The following ISM1 variants were observed in gnomAD, a reference collection of about 807,000 sequenced individuals.
The protein encoded by ISM1 is isthmin 1, also known as isthmin-1.
Under a neutral mutation model 46.3 loss-of-function variants are expected in ISM1, and 25 were observed. The observed-to-expected ratio is 0.54, with a 90% CI of 0.39 to 0.75. The LOEUF is 0.75. Among genes scored for constraint, ISM1 ranks in the 30% least tolerant of loss-of-function variants. The pLI, the probability that ISM1 is intolerant of heterozygous loss-of-function variation, is 0.00. For missense variants in ISM1, 536 were observed against 625.4 expected (o/e 0.86, Z 1.52); for synonymous variants, 255 against 256.7 (o/e 0.99, Z 0.06).
intron 1 of ISM1, among the ~76,000 whole-genome samples, chr20:13,252,335 A>C (rs1195766488): frequency 6.6e-6 from 1 of 152,208 alleles, no homozygotes; most frequent in African/African-American, 2.4e-5. Context: ...ACCTTCATAC[A>C]TGAATCATTG....
At chr20:13,238,120 A>T (rs188421661) in intron 1 of ISM1, 11 of 82,048 alleles carry the variant, frequency 1.3e-4, no homozygotes, top group Non-Finnish European at 2.2e-4. Flanking sequence ...CTTAAAATTT[A>T]AAAAAAAGAA....
At chr20:13,325,982 C>T in the ISM1 span, among the ~76,000 whole-genome samples, 2 of 152,278 alleles carry the variant, frequency 1.3e-5, no homozygotes, top group East Asian at 3.9e-4. Flanking sequence ...ATCTTCCACC[C>T]AACCCTCCCA....
At chr20:13,276,578 A>G (rs577328265) in intron 2 of ISM1, among the ~76,000 whole-genome samples, 2 of 152,306 alleles carry the variant, frequency 1.3e-5, no homozygotes, top group South Asian at 4.2e-4. Context: ...CTTGAGTGTG[A>G]AAAAGTCCAG....
chr20:13,273,215 T>TTTTTATTTTATTTTATTTTA (rs60448833), intron 2 of ISM1, among the ~76,000 whole-genome samples: 5,102 of 130,654 alleles, frequency 0.039, 390 homozygotes, highest in African/African-American at 0.12. Context: ...ACTTGGGTCT[T>TTTTTATTTTATTTTATTTTA]TTTTATTTTA....
the ISM1 span, among the ~76,000 whole-genome samples, chr20:13,324,665 C>T: frequency 6.6e-6 from 1 of 152,136 alleles, no homozygotes; most frequent in Non-Finnish European, 1.5e-5. Context: ...CAAAATGATG[C>T]CTACAAAGTG....
At chr20:13,224,841 C>CTTTTTTT (rs1162270732) in intron 1 of ISM1, among the ~76,000 whole-genome samples, 10 of 107,252 alleles carry the variant, frequency 9.3e-5, no homozygotes, top group Admixed American at 1.9e-4. Context: ...AGCTTTCTTT[C>CTTTTTTT]TTTTTTTTTT....
At chr20:13,231,493 A>G (rs549221466) in intron 1 of ISM1, among the ~76,000 whole-genome samples, 2 of 152,176 alleles carry the variant, frequency 1.3e-5, no homozygotes, top group African/African-American at 4.8e-5. Flanking sequence ...ATGAGTAACA[A>G]TGGGGAGGCC....
At chr20:13,314,511 A>G in the ISM1 span, among the ~76,000 whole-genome samples, 1 of 151,994 alleles carries the variant, frequency 6.6e-6, no homozygotes, top group Non-Finnish European at 1.5e-5. Context: ...AACCACCTAG[A>G]TCCTGTGCCC....
intron 3 of ISM1, among the ~76,000 whole-genome samples, chr20:13,285,059 G>A (rs1339860727): frequency 1.3e-5 from 2 of 152,212 alleles, no homozygotes; most frequent in African/African-American, 4.8e-5. Flanking sequence ...GGCCAAGGCA[G>A]GAGGATTGCC....
At chr20:13,230,033 T>G (rs1166934986) in intron 1 of ISM1, among the ~76,000 whole-genome samples, 1 of 152,216 alleles carries the variant, frequency 6.6e-6, no homozygotes, top group Non-Finnish European at 1.5e-5. Flanking sequence ...GTTCTATCAT[T>G]TGTGCTGTTC....
At chr20:13,312,749 C>A in the ISM1 span, among the ~76,000 whole-genome samples, 2 of 152,188 alleles carry the variant, frequency 1.3e-5, no homozygotes, top group South Asian at 2.1e-4. Context: ...TCTGGGAAAT[C>A]ATCACACTTA....
At chr20:13,225,148 C>T (rs1193530259) in intron 1 of ISM1, among the ~76,000 whole-genome samples, 6 of 152,022 alleles carry the variant, frequency 3.9e-5, no homozygotes, top group South Asian at 4.1e-4. Context: ...CCACCGCGCC[C>T]GGCCCATACT....
In ISM1 at chr20:13,297,179, G is replaced by A. The variant is rs533775438; in HGVS notation, c.878-1763G>A. On this transcript the variant is annotated intron_variant, in intron 5 of 5. Transcript: ENST00000262487. ...GTCTTTTCTAAGTCCTATGGGGAAA[G>A]GGCGTTCTTTGCAATAAGCTGTTTT... 1.1e-4 allele frequency among the ~76,000 whole-genome samples: 16 copies of A among 152,334 alleles called. No individual in the cohort carries two copies. The South Asian group carries it at 3.1e-3, about 30-fold the overall frequency.
At chr20:13,295,893 C>T (rs2040402284) in intron 5 of ISM1, among the ~76,000 whole-genome samples, 2 of 152,210 alleles carry the variant, frequency 1.3e-5, no homozygotes, top group Admixed American at 1.3e-4. Context: ...GTCAGCAAAG[C>T]ATCCACAGCA....
chr20:13,242,268 C>A (rs2039734908), intron 1 of ISM1, among the ~76,000 whole-genome samples: 1 of 152,102 alleles, frequency 6.6e-6, no homozygotes. Context: ...GAAGACTAAG[C>A]CAGAAGCTGG....
chr20:13,270,425 G>A, intron 1 of ISM1, 79 bp from the exon 2 acceptor site: 2 of 1,476,976 alleles, frequency 1.4e-6, no homozygotes. Flanking sequence ...CCTTGCTCCT[G>A]AATATAATGG....
At chr20:13,232,378 A>G (rs143475497) in intron 1 of ISM1, among the ~76,000 whole-genome samples, 2 of 152,282 alleles carry the variant, frequency 1.3e-5, no homozygotes, top group African/African-American at 4.8e-5. Flanking sequence ...GATTTCCTAG[A>G]CTTTTATATA....
chr20:13,272,287 C>T (rs576472213), intron 2 of ISM1, among the ~76,000 whole-genome samples: 1 of 152,312 alleles, frequency 6.6e-6, no homozygotes, highest in East Asian at 1.9e-4. Flanking sequence ...TTTCGTTGAC[C>T]TGAGTTGTTT....
In ISM1 at chr20:13,225,094, C is replaced by T. The variant is rs2039505445; in HGVS notation, c.138+3180C>T. ...GGTCTCACTCTCCTGACCTCATGAT[C>T]CGCCCGCCTTGGCCTCCCAAAGTGC... On this transcript the variant is annotated intron_variant, in intron 1 of 5. Coordinates refer to ENST00000262487, the MANE Select transcript of ISM1 (RefSeq NM_080826.2). Among the ~76,000 whole-genome samples, 4 of 151,282 alleles carry T rather than the reference C, an allele frequency of 2.6e-5. No individual in the cohort carries two copies. The South Asian group carries it at 8.4e-4, about 32-fold the overall frequency.
Sources: gnomAD v4.1 joint callset for allele counts (sites outside exome capture counted in the v4.1 genomes callset) on GRCh38, gnomAD v4.1.1 for gene constraint, MANE v1.5 for transcripts, NCBI Gene and HGNC (gene_info 2026-07-23, HGNC 2026-07-21) for gene names.